The following CNTN5 variants were observed in gnomAD, a reference collection of about 807,000 sequenced individuals.
CNTN5 encodes contactin-5.
A neutral mutation model predicts 129.1 loss-of-function variants in CNTN5; 77 were observed. That is an observed-to-expected ratio of 0.60 (90% CI 0.50 to 0.72). CNTN5 has a LOEUF of 0.72. Among genes scored for constraint, CNTN5 ranks in the 30% least tolerant of loss-of-function variants. CNTN5 has a pLI of 0.00. For synonymous variants in CNTN5, 509 were observed against 465.6 expected (o/e 1.09, Z -1.20); for missense variants, 1,478 against 1,328.8 (o/e 1.11, Z -1.75).
At chr11:99,557,267 A>G (rs115371122) in intron 3 of CNTN5, among the ~76,000 whole-genome samples, 66 of 151,426 alleles carry the variant, frequency 4.4e-4, no homozygotes, top group African/African-American at 1.5e-3. Flanking sequence ...CCATTTATAC[A>G]TATATATGAG....
chr11:100,286,776 GAGA>G (rs1362689489), intron 18 of CNTN5, among the ~76,000 whole-genome samples: 9 of 148,198 alleles, frequency 6.1e-5, no homozygotes, highest in Non-Finnish European at 1.3e-4. Context: ...GATGAGCTGA[GAGA>G]AGAAGGCTTC....
At chr11:99,765,404 C>T (rs1328877203) in intron 3 of CNTN5, among the ~76,000 whole-genome samples, 3 of 151,688 alleles carry the variant, frequency 2.0e-5, no homozygotes, top group African/African-American at 7.3e-5. Flanking sequence ...GAGATTTAGT[C>T]ACTGGGGAAC....
chr11:100,093,498 C>T (rs1565233597), intron 13 of CNTN5, among the ~76,000 whole-genome samples: 1 of 152,006 alleles, frequency 6.6e-6, no homozygotes, highest in East Asian at 1.9e-4. Context: ...AGCTCCTGGC[C>T]TCAAGTGGTT....
At chr11:99,960,949 T>C (rs1371466982) in intron 8 of CNTN5, among the ~76,000 whole-genome samples, 2 of 152,010 alleles carry the variant, frequency 1.3e-5, no homozygotes, top group Non-Finnish European at 2.9e-5. Context: ...ATGCCTGTAA[T>C]CCTAGCATTT....
At chr11:99,232,477 C>T (rs917233757) in intron 1 of CNTN5, among the ~76,000 whole-genome samples, 31 of 152,096 alleles carry the variant, frequency 2.0e-4, no homozygotes, top group African/African-American at 7.2e-4. Flanking sequence ...TATAGGAATG[C>T]CTGTCATTTT....
chr11:99,969,804 G>T (rs1323120175), intron 8 of CNTN5, among the ~76,000 whole-genome samples: 1 of 152,062 alleles, frequency 6.6e-6, no homozygotes, highest in African/African-American at 2.4e-5. Context: ...TGTCCACCCA[G>T]TGTGTCTTAT....
At position 99,945,942 on chromosome 11, in the gene CNTN5, A is replaced by T. The variant is rs150357415; in HGVS notation, c.674-10864A>T. 9.4e-3 allele frequency among the ~76,000 whole-genome samples: 1,434 copies of T among 152,122 alleles called. 9 individuals carry two copies. The highest frequency in any genetic ancestry group is 0.014 in the Non-Finnish European group (942 of 67,976). On this transcript the variant is annotated intron_variant, in intron 7 of 24. Coordinates refer to ENST00000524871, the MANE Select transcript of CNTN5 (RefSeq NM_014361.4). ...GCTTTTTATTTTTTCACTACAAAGA[A>T]GGCATAAGTACAAGCATGAAAAAAA...
At chr11:99,153,493 T>G (rs183125219) in intron 1 of CNTN5, among the ~76,000 whole-genome samples, 2 of 151,918 alleles carry the variant, frequency 1.3e-5, no homozygotes, top group African/African-American at 2.4e-5. Context: ...ATCAGGTTTT[T>G]TTTTTTTTTT....
intron 1 of CNTN5, among the ~76,000 whole-genome samples, chr11:99,064,763 T>G (rs1473523913): frequency 6.6e-6 from 1 of 152,104 alleles, no homozygotes; most frequent in Non-Finnish European, 1.5e-5. Context: ...CAAAGTATGT[T>G]GTGTCAAAAT....
chr11:99,859,000 C>T (rs917756394), intron 6 of CNTN5, among the ~76,000 whole-genome samples: 1 of 151,986 alleles, frequency 6.6e-6, no homozygotes, highest in Non-Finnish European at 1.5e-5. Context: ...GGAAACTGTG[C>T]CTGAAGGAGG....
intron 3 of CNTN5, among the ~76,000 whole-genome samples, chr11:99,749,177 C>G (rs973930555): frequency 6.6e-6 from 1 of 152,056 alleles, no homozygotes; most frequent in Admixed American, 6.5e-5. Flanking sequence ...AACTTTGTTT[C>G]AAACTTTGCA....
chr11:100,340,688 G>A (rs762653194), intron 22 of CNTN5, 39 bp downstream of exon 22: 2 of 1,529,552 alleles, frequency 1.3e-6, no homozygotes, highest in Admixed American at 2.1e-5. Flanking sequence ...CAGACAAAGG[G>A]GAAACATCGT....
chr11:99,366,973 C>G (rs61891989), intron 2 of CNTN5, among the ~76,000 whole-genome samples: 4 of 151,958 alleles, frequency 2.6e-5, no homozygotes, highest in Non-Finnish European at 5.9e-5. Flanking sequence ...TAGGGCTCAT[C>G]GTAAGCTGGG....
chr11:99,121,343 T>C (rs1858316733), intron 1 of CNTN5, among the ~76,000 whole-genome samples: 1 of 151,976 alleles, frequency 6.6e-6, no homozygotes, highest in Non-Finnish European at 1.5e-5. Context: ...ACAAGTTGGC[T>C]AGACTGGTCG....
At chr11:99,917,567 A>G (rs1327460800) in intron 7 of CNTN5, among the ~76,000 whole-genome samples, 1 of 152,142 alleles carries the variant, frequency 6.6e-6, no homozygotes, top group Admixed American at 6.6e-5. Context: ...AACAGGCTTT[A>G]TAGAGGATGA....
intron 1 of CNTN5, among the ~76,000 whole-genome samples, chr11:99,269,439 G>T: frequency 6.6e-6 from 1 of 151,604 alleles, no homozygotes. Flanking sequence ...TGACCTGTTT[G>T]TTTGTTGCTT....
At chr11:100,350,945 A>T (rs1952397916) in intron 24 of CNTN5, 75 bp downstream of exon 24, 1 of 1,114,948 alleles carries the variant, frequency 9.0e-7, no homozygotes, top group African/African-American at 1.6e-5. Context: ...ACGAAAATTG[A>T]TGTGATAGAT....
chr11:100,057,715 A>G (rs922814348), intron 9 of CNTN5, among the ~76,000 whole-genome samples: 1 of 152,006 alleles, frequency 6.6e-6, no homozygotes, highest in Non-Finnish European at 1.5e-5. Context: ...TGCCCAAATC[A>G]TATTAGAACC....
At chr11:99,063,244 G>A (rs1864959692) in intron 1 of CNTN5, among the ~76,000 whole-genome samples, 1 of 151,990 alleles carries the variant, frequency 6.6e-6, no homozygotes, top group African/African-American at 2.4e-5. Flanking sequence ...ATAAATACAT[G>A]GCATCATTAG....
Sources: gnomAD v4.1 joint callset for allele counts (sites outside exome capture counted in the v4.1 genomes callset) on GRCh38, gnomAD v4.1.1 for gene constraint, MANE v1.5 for transcripts, NCBI Gene and HGNC (gene_info 2026-07-23, HGNC 2026-07-21) for gene names.